MYO5A: variants seen among roughly 807,000 people sequenced by gnomAD.
The protein encoded by MYO5A is myosin VA.
A neutral mutation model predicts 249.7 loss-of-function variants in MYO5A; 98 were observed. The observed-to-expected ratio is 0.39, with a 90% CI of 0.33 to 0.46. The LOEUF is 0.46. Ranked by LOEUF, MYO5A falls within the 20% of genes least tolerant of loss-of-function variation. MYO5A has a pLI of 0.98. For missense variants in MYO5A, 1,696 were observed against 2,308.8 expected (o/e 0.73, Z 5.44); for synonymous variants, 778 against 810.6 (o/e 0.96, Z 0.68).
intron 1 of MYO5A, among the ~76,000 whole-genome samples, chr15:52,499,869 A>G (rs2077117755): frequency 6.6e-6 from 1 of 152,110 alleles, no homozygotes; most frequent in African/African-American, 2.4e-5. Context: ...TTGCTGGATC[A>G]TATGGTAATT....
chr15:52,494,953 A>T (rs907684141), intron 1 of MYO5A, among the ~76,000 whole-genome samples: 1 of 152,230 alleles, frequency 6.6e-6, no homozygotes, highest in African/African-American at 2.4e-5. Flanking sequence ...CATAATTCTC[A>T]ACAATGTCCT....
At chr15:52,435,323 C>A (rs1595678221) in intron 1 of MYO5A, among the ~76,000 whole-genome samples, 1 of 140,774 alleles carries the variant, frequency 7.1e-6, no homozygotes, top group African/African-American at 2.7e-5. Flanking sequence ...GTCACCCAGG[C>A]TGGAGTGCAG....
At chr15:52,320,991 CGACAGAGCGA>C (rs2038275815) in intron 38 of MYO5A, among the ~76,000 whole-genome samples, 1 of 148,076 alleles carries the variant, frequency 6.8e-6, no homozygotes, top group South Asian at 2.1e-4. Context: ...CCAGCCTGGG[CGACAGAGCGA>C]GACTCTGTCT....
At position 52,421,017 on chromosome 15, in the gene MYO5A, C is replaced by T. The variant is rs569737484; in HGVS notation, c.456-4716G>A. On this transcript the variant is annotated intron_variant, in intron 4 of 41. Transcript: ENST00000399233. Reference sequence around the variant, plus strand: ...TATAATGAGGATTACATGCCTGGCACCATGTTTGGTACACAGTAGACCTCA... The same window carrying T: ...TATAATGAGGATTACATGCCTGGCATCATGTTTGGTACACAGTAGACCTCA... Among the ~76,000 whole-genome samples the T allele has an allele frequency of 3.9e-5, 6 of 152,192 alleles. No individual in the cohort carries two copies. In the East Asian group the frequency reaches 9.7e-4, roughly 24 times the overall value.
At chr15:52,500,450 G>T (rs2077132139) in intron 1 of MYO5A, among the ~76,000 whole-genome samples, 1 of 150,714 alleles carries the variant, frequency 6.6e-6, no homozygotes, top group South Asian at 2.1e-4. Flanking sequence ...GGGTTCAAGT[G>T]ATTCTCCTGC....
rs141418417 is a variant in MYO5A at position 52,441,312 on chromosome 15, A to ATG, written c.28-8029_28-8028dup. Reference sequence around the variant, plus strand: ...GTTATGAAATATGTCATACAAGAGGATGTGTGTGTGTGTGTCTGCATGTGT... The same window carrying ATG: ...GTTATGAAATATGTCATACAAGAGGATGTGTGTGTGTGTGTGTCTGCATGTGT... On this transcript the variant is annotated intron_variant, in intron 1 of 41. Transcript: ENST00000399233. 1.9e-3 allele frequency among the ~76,000 whole-genome samples: 292 copies of ATG among 151,626 alleles called. 3 individuals carry two copies. The highest frequency in any genetic ancestry group is 6.7e-3 in the African/African-American group (276 of 41,378).
intron 29 of MYO5A, among the ~76,000 whole-genome samples, chr15:52,347,714 A>C (rs184779994): frequency 4.6e-5 from 7 of 152,352 alleles, no homozygotes; most frequent in African/African-American, 1.4e-4. Flanking sequence ...CTCTGAGAAG[A>C]CCAACTATAA....
chr15:52,444,295 G>C (rs1181308044), intron 1 of MYO5A, among the ~76,000 whole-genome samples: 1 of 151,948 alleles, frequency 6.6e-6, no homozygotes, highest in African/African-American at 2.4e-5. Flanking sequence ...ATTAGCTGGT[G>C]GTATTTTAAA....
chr15:52,429,073 C>A (rs779350704), intron 2 of MYO5A, among the ~76,000 whole-genome samples: 6 of 152,140 alleles, frequency 3.9e-5, no homozygotes. Context: ...GAGGCAAGTC[C>A]GGCATGTGGT....
chr15:52,513,115 C>T (rs536151577), intron 1 of MYO5A, among the ~76,000 whole-genome samples: 6 of 149,042 alleles, frequency 4.0e-5, no homozygotes, highest in Non-Finnish European at 7.4e-5. Flanking sequence ...AGAAAAAGAT[C>T]GTAAGTCTTA....
intron 1 of MYO5A, among the ~76,000 whole-genome samples, chr15:52,497,756 CAAAAAAAAAAA>C (rs35145185): frequency 3.0e-4 from 19 of 62,684 alleles, no homozygotes; most frequent in African/African-American, 1.1e-3. Flanking sequence ...GACTCTGTCT[CAAAAAAAAAAA>C]AAAAAAAAAA....
intron 1 of MYO5A, among the ~76,000 whole-genome samples, chr15:52,499,322 T>C (rs955078937): frequency 6.6e-6 from 1 of 152,238 alleles, no homozygotes; most frequent in Non-Finnish European, 1.5e-5. Flanking sequence ...ATTATTATTT[T>C]TAATTGTGGT....
chr15:52,462,711 G>A (rs569624173), intron 1 of MYO5A, among the ~76,000 whole-genome samples: 9 of 152,150 alleles, frequency 5.9e-5, no homozygotes, highest in African/African-American at 9.6e-5. Flanking sequence ...GGCCGGGCAC[G>A]GTGGCACACA....
rs1244483764 is a variant in MYO5A at position 52,390,961 on chromosome 15, T to C, written c.1542+969A>G. ...ACAGTAGTATTCTCTGCATTATTTA[T>C]GGCTACTAGGTTGTTACTGATTTTT... On this transcript the variant is annotated intron_variant, in intron 12 of 41. Transcript: ENST00000399233. 2.0e-5 allele frequency among the ~76,000 whole-genome samples: 3 copies of C among 152,330 alleles called. No individual in the cohort carries two copies. In the East Asian group the frequency reaches 5.8e-4, roughly 29 times the overall value.
intron 4 of MYO5A, 81 bp from the exon 5 acceptor site, chr15:52,416,382 G>T: frequency 3.5e-6 from 5 of 1,445,450 alleles, no homozygotes; most frequent in Non-Finnish European, 4.8e-6. Context: ...GGTCTCTATG[G>T]AAGTAGGGGG....
chr15:52,475,834 C>T lies in MYO5A; in HGVS notation c.28-42549G>A, dbSNP rs947568784. Among the ~76,000 whole-genome samples, 9 of 152,206 alleles carry T rather than the reference C, an allele frequency of 5.9e-5. No homozygotes were observed. The South Asian group carries it at 1.2e-3, about 21-fold the overall frequency. The stretch of plus-strand genomic sequence containing the variant: ...TATGTGGTCAATTTTGGAATAAGTG[C>T]AATGTGGTGCTGAGAAGAATGTATA... On this transcript the variant is annotated intron_variant, in intron 1 of 41. Transcript: ENST00000399233.
At chr15:52,456,501 T>C (rs2076122087) in intron 1 of MYO5A, among the ~76,000 whole-genome samples, 1 of 151,738 alleles carries the variant, frequency 6.6e-6, no homozygotes, top group Non-Finnish European at 1.5e-5. Flanking sequence ...AGACCTCACA[T>C]AGACATAGCA....
In MYO5A at chr15:52,405,275, T is replaced by C. The variant is rs1474718217; in HGVS notation, c.1053+12A>G. On this transcript the variant is annotated intron_variant, in intron 9 of 41. Coordinates refer to ENST00000399233, the MANE Select transcript of MYO5A (RefSeq NM_001382347.1). ...TCAACTGCCATCCCACTAAAGCTTA[T>C]TCTGAACTTACAGGTATTGTGCAGC... 6 of 1,582,732 alleles carry C rather than the reference T, an allele frequency of 3.8e-6. No homozygotes were observed. The Admixed American group carries it at 1.0e-4, about 26-fold the overall frequency.
intron 1 of MYO5A, among the ~76,000 whole-genome samples, chr15:52,495,058 T>C (rs1384443657): frequency 6.6e-6 from 1 of 152,192 alleles, no homozygotes; most frequent in Non-Finnish European, 1.5e-5. Context: ...CCATATTTTT[T>C]GACATATATC....
Sources: gnomAD v4.1 joint callset for allele counts (sites outside exome capture counted in the v4.1 genomes callset) on GRCh38, gnomAD v4.1.1 for gene constraint, MANE v1.5 for transcripts, NCBI Gene and HGNC (gene_info 2026-07-23, HGNC 2026-07-21) for gene names.